Variants in MNAT1 observed in about 807,000 individuals in gnomAD.
MNAT1 encodes CDK-activating kinase assembly factor MAT1.
Under a neutral mutation model 42.0 loss-of-function variants are expected in MNAT1, and 43 were observed. That is an observed-to-expected ratio of 1.02 (90% CI 0.80 to 1.32). The LOEUF is 1.32. MNAT1 is among the 40% of genes most tolerant of loss of function. The pLI, the probability that MNAT1 is intolerant of heterozygous loss-of-function variation, is 0.00. For missense variants in MNAT1, 306 were observed against 350.4 expected (o/e 0.87, Z 1.01); for synonymous variants, 118 against 120.0 (o/e 0.98, Z 0.11).
chr14:60,858,028 T>G (rs1383086952), intron 6 of MNAT1, among the ~76,000 whole-genome samples: 1 of 152,220 alleles, frequency 6.6e-6, no homozygotes, highest in Admixed American at 6.5e-5. Flanking sequence ...AGTGCCTCAG[T>G]AAACATACGT....
chr14:60,907,410 G>A (rs1223442442), intron 7 of MNAT1, among the ~76,000 whole-genome samples: 3 of 121,898 alleles, frequency 2.5e-5, no homozygotes, highest in African/African-American at 9.3e-5. Flanking sequence ...TCCAGCCTGT[G>A]TGACAGAGCA....
intron 1 of MNAT1, among the ~76,000 whole-genome samples, chr14:60,768,752 C>T (rs966429961): frequency 6.6e-6 from 1 of 152,104 alleles, no homozygotes; most frequent in Non-Finnish European, 1.5e-5. Context: ...AGTAACTTGC[C>T]TAAGGAAACA....
chr14:60,943,003 AGTGTGTGTGTGTGTGTGTGTGTGT>A (rs138575597), intron 7 of MNAT1, among the ~76,000 whole-genome samples: 4 of 78,476 alleles, frequency 5.1e-5, no homozygotes, highest in East Asian at 4.1e-4. Context: ...AACCACATGT[AGTGTGTGTGTGTGTGTGTGTGTGT>A]GTGTGTGTGT....
chr14:60,754,670 C>T (rs1351947405), intron 1 of MNAT1, among the ~76,000 whole-genome samples: 3 of 152,016 alleles, frequency 2.0e-5, no homozygotes, highest in East Asian at 1.9e-4. Context: ...TTTCTAAGGG[C>T]GCATGTTCAA....
chr14:60,920,163 G>A (rs2035624735), intron 7 of MNAT1: 1 of 152,254 alleles, frequency 6.6e-6, no homozygotes, highest in Admixed American at 6.6e-5. Flanking sequence ...TTCATGGCAG[G>A]TGATCCACAG....
chr14:60,767,833 C>T (rs923923490), intron 1 of MNAT1, among the ~76,000 whole-genome samples: 2 of 151,970 alleles, frequency 1.3e-5, no homozygotes, highest in African/African-American at 4.8e-5. Context: ...GGCACAATCT[C>T]AGCTCACTGC....
intron 6 of MNAT1, among the ~76,000 whole-genome samples, chr14:60,879,445 A>G (rs530814588): frequency 6.6e-6 from 1 of 152,298 alleles, no homozygotes; most frequent in African/African-American, 2.4e-5. Context: ...GATGACTTCT[A>G]CCATGGACAT....
chr14:60,742,537 C>T (rs186320415), intron 1 of MNAT1, among the ~76,000 whole-genome samples: 104 of 152,274 alleles, frequency 6.8e-4, no homozygotes, highest in Non-Finnish European at 1.1e-3. Flanking sequence ...ATATAATTCA[C>T]GTACCATAAA....
chr14:60,884,373 T>A (rs1489293598), intron 7 of MNAT1, among the ~76,000 whole-genome samples: 2 of 152,138 alleles, frequency 1.3e-5, no homozygotes, highest in African/African-American at 4.8e-5. Context: ...TTGATTGATT[T>A]GCATATGTTG....
chr14:60,779,673 C>A (rs1277629646), intron 1 of MNAT1, among the ~76,000 whole-genome samples: 1 of 151,950 alleles, frequency 6.6e-6, no homozygotes, highest in Non-Finnish European at 1.5e-5. Context: ...GTAATCCCAG[C>A]TACTCAGGAG....
intron 6 of MNAT1, among the ~76,000 whole-genome samples, chr14:60,831,864 G>A (rs531371885): frequency 9.1e-4 from 139 of 152,096 alleles, no homozygotes; most frequent in African/African-American, 3.3e-3. Flanking sequence ...TTTAATGATC[G>A]CCATTCTAAC....
At chr14:60,806,229 G>A (rs181478089) in intron 3 of MNAT1, among the ~76,000 whole-genome samples, 1 of 152,326 alleles carries the variant, frequency 6.6e-6, no homozygotes, top group East Asian at 1.9e-4. Flanking sequence ...ATTAGACAAT[G>A]TATTGTAAGC....
intron 6 of MNAT1, among the ~76,000 whole-genome samples, chr14:60,865,360 C>A (rs935561023): frequency 5.9e-5 from 9 of 151,948 alleles, no homozygotes; most frequent in Admixed American, 3.9e-4. Flanking sequence ...CTTATAGTGC[C>A]AAGTTAGGAA....
chr14:60,869,023 C>CATATAT (rs1169429243), intron 6 of MNAT1, among the ~76,000 whole-genome samples: 40 of 101,738 alleles, frequency 3.9e-4, no homozygotes, highest in African/African-American at 1.2e-3. Context: ...TTATTTTATA[C>CATATAT]ATATATATAT....
chr14:60,873,635 ATTTT>A (rs11351310), intron 6 of MNAT1, among the ~76,000 whole-genome samples: 2 of 108,250 alleles, frequency 1.8e-5, no homozygotes, highest in Admixed American at 9.7e-5. Flanking sequence ...TGCCTGGCTA[ATTTT>A]TTTTTTTTTT....
chr14:60,968,550 A>AT lies in MNAT1; in HGVS notation c.*206dup, dbSNP rs1343092983. The AT allele has an allele frequency of 4.4e-6, 6 of 1,373,688 alleles. No individual in the cohort carries two copies. The highest frequency in any genetic ancestry group is 5.8e-6 in the Non-Finnish European group (6 of 1,031,026). 85.1% of individuals were successfully genotyped at this position (1,373,688 alleles called of 1,614,324 possible). ...TTTGTGAAAAATAATTTTTACTTAT[A>AT]TTTTTCAGAGGATTTGACACGATAA... On this transcript the variant is annotated 3_prime_UTR_variant, in exon 8 of 8. Transcript: ENST00000261245.
At position 60,911,958 on chromosome 14, in the gene MNAT1, G is replaced by C. The variant is rs569248960; in HGVS notation, c.809+32123G>C. On this transcript the variant is annotated intron_variant, in intron 7 of 7. Transcript: ENST00000261245. ...CCATTATTATTGTGTGGGAGTCTAA[G>C]TCTCTTTCTAGGTCTCTAAGGACTT... is the stretch of plus-strand genomic sequence containing the variant. Among the ~76,000 whole-genome samples, 1,191 of 151,500 alleles carry C rather than the reference G, an allele frequency of 7.9e-3. 19 individuals carry two copies. Among genetic ancestry groups the C allele is most frequent in the African/African-American group, 0.027 (1,124 of 41,300 alleles).
At chr14:60,941,821 G>C (rs1391233780) in intron 7 of MNAT1, among the ~76,000 whole-genome samples, 1 of 151,252 alleles carries the variant, frequency 6.6e-6, no homozygotes, top group Non-Finnish European at 1.5e-5. Flanking sequence ...CAGCTAACAT[G>C]GTGAAACCCC....
intron 3 of MNAT1, among the ~76,000 whole-genome samples, chr14:60,800,416 C>T (rs998609093): frequency 2.6e-5 from 4 of 152,032 alleles, no homozygotes; most frequent in African/African-American, 7.2e-5. Flanking sequence ...TAGTGGCACA[C>T]GTTTGTAGTC....
Sources: gnomAD v4.1 joint callset for allele counts (sites outside exome capture counted in the v4.1 genomes callset) on GRCh38, gnomAD v4.1.1 for gene constraint, MANE v1.5 for transcripts, NCBI Gene and HGNC (gene_info 2026-07-23, HGNC 2026-07-21) for gene names.